Variants in WASF1 observed in about 807,000 individuals in gnomAD.
The protein encoded by WASF1 is actin-binding protein WASF1.
In WASF1, 7 loss-of-function variants were observed where a neutral mutation model predicts 50.5. The observed-to-expected ratio is 0.14, with a 90% CI of 0.08 to 0.26. The LOEUF (loss-of-function observed/expected upper bound fraction) is 0.26, where lower values mean the gene tolerates loss of function less well. Among genes scored for constraint, WASF1 ranks in the 10% least tolerant of loss-of-function variants. The pLI, the probability that WASF1 is intolerant of heterozygous loss-of-function variation, is 1.00. For missense variants in WASF1, 470 were observed against 694.7 expected (o/e 0.68, Z 3.64); for synonymous variants, 205 against 244.0 (o/e 0.84, Z 1.49).
At chr6:110,137,902 T>C (rs1342821221) in intron 3 of WASF1, among the ~76,000 whole-genome samples, 1 of 152,258 alleles carries the variant, frequency 6.6e-6, no homozygotes, top group Admixed American at 6.5e-5. Context: ...TTTCCTCCTA[T>C]GTAAGTATCA....
intron 2 of WASF1, among the ~76,000 whole-genome samples, chr6:110,176,234 T>C (rs568965985): frequency 8.5e-5 from 13 of 152,066 alleles, no homozygotes; most frequent in Admixed American, 1.3e-4. Flanking sequence ...ACTCAAGCAT[T>C]CAGCATAGGA....
At chr6:110,136,659 T>A (rs906396516) in intron 3 of WASF1, among the ~76,000 whole-genome samples, 4 of 152,246 alleles carry the variant, frequency 2.6e-5, no homozygotes, top group Admixed American at 1.3e-4. Flanking sequence ...TTTGGTTGTG[T>A]TTGCATGATA....
At chr6:110,122,978 G>A (rs138900774) in intron 4 of WASF1, among the ~76,000 whole-genome samples, 437 of 152,188 alleles carry the variant, frequency 2.9e-3, no homozygotes, top group Non-Finnish European at 4.6e-3. Flanking sequence ...GATACCCTGG[G>A]AAGCCTGCTT....
intron 6 of WASF1, 109 bp from the exon 7 acceptor site, chr6:110,107,303 G>T: frequency 1.5e-6 from 1 of 674,770 alleles, no homozygotes; most frequent in Non-Finnish European, 2.4e-6. Context: ...AATACAGCAT[G>T]TTAAAATAGT....
At chr6:110,112,899 AAAAAAAAAAAC>A (rs200736499) in intron 5 of WASF1, among the ~76,000 whole-genome samples, 10,120 of 148,720 alleles carry the variant, frequency 0.068, 444 homozygotes, top group African/African-American at 0.13. Flanking sequence ...TGTCTCAAAA[AAAAAAAAAAAC>A]AAAAAAAAAA....
chr6:110,142,244 C>T (rs1775277541), intron 3 of WASF1, among the ~76,000 whole-genome samples: 1 of 152,156 alleles, frequency 6.6e-6, no homozygotes, highest in South Asian at 2.1e-4. Flanking sequence ...TAAAATCACA[C>T]ACATTTTGAT....
Position 110,100,619 on chromosome 6 carries a change from T to C in WASF1, c.1583A>G (p.Glu528Gly). 1.2e-6 allele frequency: 2 copies of C among 1,613,834 alleles called. No individual in the cohort carries two copies. The highest frequency in any genetic ancestry group is 1.7e-6 in the Non-Finnish European group (2 of 1,179,886). The change falls in exon 11 of 11, where the codon GAA becomes GGA. Residue 528 changes from glutamate (E) to glycine (G), a missense_variant. Physicochemically the swap from Glu to Gly is moderately conservative, Grantham distance 98 (BLOSUM62 -2). Transcript: ENST00000392589. ...AGACAGGATGGTGGCAACATCGTTTTCAATGCGTTCATGCTTAGCTTCCTG... is the reference window on the plus strand; with the variant it reads ...AGACAGGATGGTGGCAACATCGTTTCCAATGCGTTCATGCTTAGCTTCCTG... Reference protein sequence around the residue: ...REQEAKHERIENDVATILSRR... With the variant: ...REQEAKHERIGNDVATILSRR...
In WASF1 at chr6:110,103,531, T is replaced by A; in HGVS notation, c.740A>T (p.Asp247Val). ...CAAGGCAGAAAGTGAGTAAGATCCATCCATATGATCCACGTATGTCTGAGG... is the reference window on the plus strand; with the variant it reads ...CAAGGCAGAAAGTGAGTAAGATCCAACCATATGATCCACGTATGTCTGAGG... ...TRPQTYVDHM[D>V]GSYSLSALPF... is the part of the protein sequence containing the mutation. The change falls in exon 9 of 11, where the codon GAT (aspartate) becomes GTT (valine). Residue 247 changes from aspartate (D) to valine (V), a missense_variant. Physicochemically the swap from Asp to Val is radical, Grantham distance 152. Around this residue, in one of 3 missense-constraint regions of WASF1, gnomAD observed 294 missense variants for 343.5 expected, o/e 0.86. Transcript: ENST00000392589. 1.2e-6 allele frequency: 2 copies of A among 1,613,586 alleles called. No individual in the cohort carries two copies. The highest frequency in any genetic ancestry group is 1.7e-6 in the Non-Finnish European group (2 of 1,179,678).
chr6:110,104,663 C>T (rs996856845), intron 8 of WASF1, among the ~76,000 whole-genome samples: 1 of 152,064 alleles, frequency 6.6e-6, no homozygotes, highest in African/African-American at 2.4e-5. Flanking sequence ...GTGGCGTGTG[C>T]CTGTAATCCC....
At position 110,103,396 on chromosome 6, in the gene WASF1, G is replaced by T. The variant is rs141943257; in HGVS notation, c.875C>A (p.Pro292Gln). ...PPMHGAGDAKPIPTCISSATG... is the reference protein window; with the variant it reads ...PPMHGAGDAKQIPTCISSATG... ...AACATACCTGATACAGGTGGGTATCGGTTTTGCATCTCCTGCTCCATGCAT... is the reference window on the plus strand; with the variant it reads ...AACATACCTGATACAGGTGGGTATCTGTTTTGCATCTCCTGCTCCATGCAT... The change falls in exon 9 of 11, where the codon CCG (proline) becomes CAG (glutamine). Residue 292 changes from proline to glutamine, a missense_variant. By Grantham distance (76) the Pro-to-Gln change is moderately conservative. This residue lies in a region of WASF1 where 294 missense variants were observed against 343.5 expected (regional missense o/e 0.86). Coordinates refer to ENST00000392589, the MANE Select transcript of WASF1 (RefSeq NM_003931.3). 3 of 1,612,852 alleles carry T rather than the reference G, an allele frequency of 1.9e-6. No homozygotes were observed. In the East Asian group the frequency reaches 6.7e-5, roughly 36 times the overall value.
At chr6:110,153,973 AAGTAGGG>A (rs1775940086) in intron 3 of WASF1, among the ~76,000 whole-genome samples, 1 of 152,140 alleles carries the variant, frequency 6.6e-6, no homozygotes, top group African/African-American at 2.4e-5. Context: ...AGTTTGTTTT[AAGTAGGG>A]AGAAGAAGAG....
intron 2 of WASF1, among the ~76,000 whole-genome samples, chr6:110,167,180 G>A (rs774521328): frequency 3.3e-5 from 5 of 151,386 alleles, no homozygotes; most frequent in African/African-American, 4.9e-5. Flanking sequence ...CTACTGTGCC[G>A]CCAGTTACAT....
At chr6:110,144,940 G>A (rs531730229) in intron 3 of WASF1, among the ~76,000 whole-genome samples, 85 of 152,118 alleles carry the variant, frequency 5.6e-4, no homozygotes, top group African/African-American at 1.9e-3. Context: ...TTGGCGATGC[G>A]GGCTCTTTTT....
At chr6:110,145,039 T>G (rs1775482870) in intron 3 of WASF1, among the ~76,000 whole-genome samples, 1 of 152,184 alleles carries the variant, frequency 6.6e-6, no homozygotes, top group African/African-American at 2.4e-5. Flanking sequence ...AATCTATAAA[T>G]TACCTTGGGC....
chr6:110,151,598 A>C (rs1167507455), intron 3 of WASF1, among the ~76,000 whole-genome samples: 1 of 152,174 alleles, frequency 6.6e-6, no homozygotes, highest in African/African-American at 2.4e-5. Context: ...GCACAAGTTT[A>C]ATAAAGTAAT....
At chr6:110,162,357 T>C (rs576292876) in intron 2 of WASF1, among the ~76,000 whole-genome samples, 18 of 150,630 alleles carry the variant, frequency 1.2e-4, no homozygotes, top group African/African-American at 4.1e-4. Flanking sequence ...TATTTCTTGC[T>C]TCAAAAGGCA....
intron 2 of WASF1, among the ~76,000 whole-genome samples, chr6:110,169,559 C>T (rs79365221): frequency 0.1 from 15,211 of 152,174 alleles, 992 homozygotes; most frequent in Non-Finnish European, 0.15. Flanking sequence ...TGATGGTACA[C>T]AAATCTGATA....
chr6:110,128,309 T>C (rs1435113601), intron 3 of WASF1, among the ~76,000 whole-genome samples: 1 of 152,218 alleles, frequency 6.6e-6, no homozygotes, highest in East Asian at 1.9e-4. Flanking sequence ...CTAAAAACAC[T>C]GTTTTTATTT....
chr6:110,124,330 C>T (rs1267121872), intron 4 of WASF1, among the ~76,000 whole-genome samples: 4 of 121,572 alleles, frequency 3.3e-5, no homozygotes, highest in Admixed American at 2.8e-4. Flanking sequence ...TCAACTGTGA[C>T]GGGGCAACCT....
Sources: allele counts gnomAD v4.1 joint callset (sites outside exome capture counted in the v4.1 genomes callset), GRCh38; gene constraint gnomAD v4.1.1; regional missense constraint gnomAD v4.1.1; transcripts MANE v1.5; gene names NCBI Gene and HGNC (gene_info 2026-07-23, HGNC 2026-07-21).